The following VWC2 variants were observed in gnomAD, a reference collection of about 807,000 sequenced individuals.
VWC2 encodes the protein von Willebrand factor C domain containing 2.
A neutral mutation model predicts 29.8 loss-of-function variants in VWC2; 14 were observed. That is an observed-to-expected ratio of 0.47 (90% CI 0.31 to 0.74). The LOEUF (loss-of-function observed/expected upper bound fraction) is 0.74. Among genes scored for constraint, VWC2 ranks in the 30% least tolerant of loss-of-function variants. VWC2 has a pLI of 0.05. For synonymous variants in VWC2, 213 were observed against 199.0 expected (o/e 1.07, Z -0.59); for missense variants, 457 against 459.8 (o/e 0.99, Z 0.05).
chr7:49,815,975 C>T (rs1056696968), intron 3 of VWC2, among the ~76,000 whole-genome samples: 5 of 152,098 alleles, frequency 3.3e-5, no homozygotes, highest in Non-Finnish European at 4.4e-5. Flanking sequence ...AAGGACACAG[C>T]ATTGAGCAAG....
chr7:49,864,407 T>C (rs960600664), intron 3 of VWC2, among the ~76,000 whole-genome samples: 1 of 152,184 alleles, frequency 6.6e-6, no homozygotes, highest in Non-Finnish European at 1.5e-5. Flanking sequence ...TCTCAGTTTT[T>C]TTCTGATCAT....
At chr7:49,877,610 C>T (rs1247732767) in intron 3 of VWC2, among the ~76,000 whole-genome samples, 3 of 141,720 alleles carry the variant, frequency 2.1e-5, no homozygotes, top group Middle Eastern at 7.4e-3. Flanking sequence ...ATGGATGGAC[C>T]AAATTTGGTC....
chr7:49,904,731 T>C (rs1792988944), intron 3 of VWC2, among the ~76,000 whole-genome samples: 1 of 133,100 alleles, frequency 7.5e-6, no homozygotes, highest in Admixed American at 9.1e-5. Context: ...ACATAGCATA[T>C]ATTAATTTTT....
rs565456045 is a variant in VWC2, at chr7:49,892,575, G to A, written c.827-19459G>A. On this transcript the variant is annotated intron_variant, in intron 3 of 3. Coordinates refer to ENST00000340652, the MANE Select transcript of VWC2 (RefSeq NM_198570.5). Reference sequence around the variant, plus strand: ...AGGGGGCTTCCCAGGCCCTGGTCATGTTCTGTTTCTTGATTTGTGTTGCAG... The same window carrying A: ...AGGGGGCTTCCCAGGCCCTGGTCATATTCTGTTTCTTGATTTGTGTTGCAG... Among the ~76,000 whole-genome samples, 3 of 152,300 alleles carry A rather than the reference G, an allele frequency of 2.0e-5. No individual in the cohort carries two copies. In the South Asian group the frequency reaches 6.2e-4, roughly 32 times the overall value.
At chr7:49,875,396 A>AAAAAAAAAAAAAC (rs1791370719) in intron 3 of VWC2, among the ~76,000 whole-genome samples, 1 of 148,720 alleles carries the variant, frequency 6.7e-6, no homozygotes, top group Non-Finnish European at 1.5e-5. Flanking sequence ...AAAAAAAAAA[A>AAAAAAAAAAAAAC]ACAGGAATAA....
At chr7:49,900,486 T>G (rs775122008) in intron 3 of VWC2, among the ~76,000 whole-genome samples, 6 of 151,512 alleles carry the variant, frequency 4.0e-5, no homozygotes, top group Non-Finnish European at 7.4e-5. Context: ...TCATTACAGA[T>G]CCCATGGACA....
rs1211196841 is a variant in VWC2 at position 49,913,609 on chromosome 7, C to T, written c.*1424C>T. On this transcript the variant is annotated 3_prime_UTR_variant, in exon 4 of 4. Transcript: ENST00000340652. ...CCTATTAAGTACAAAGCATTGACAACAAGGGAATAAGGCTTGATTTCTTGC... is the reference window on the plus strand; with the variant it reads ...CCTATTAAGTACAAAGCATTGACAATAAGGGAATAAGGCTTGATTTCTTGC... 1 of 152,056 alleles carries T rather than the reference C, an allele frequency of 6.6e-6. No homozygotes were observed. The highest frequency in any genetic ancestry group is 2.4e-5 in the African/African-American group (1 of 41,396). The allele number at this position is 152,056 out of a possible 1,614,324, so 9.4% of individuals were successfully genotyped here.
chr7:49,835,085 T>C (rs1789626942), intron 3 of VWC2, among the ~76,000 whole-genome samples: 1 of 152,230 alleles, frequency 6.6e-6, no homozygotes, highest in Non-Finnish European at 1.5e-5. Context: ...AAGAGTGCCC[T>C]GATACAAAGT....
intron 3 of VWC2, among the ~76,000 whole-genome samples, chr7:49,822,306 T>G (rs1472910872): frequency 6.6e-6 from 1 of 152,232 alleles, no homozygotes; most frequent in Non-Finnish European, 1.5e-5. Context: ...TTATAAATCA[T>G]GCTTACTGAG....
At chr7:49,835,480 G>C (rs993488788) in intron 3 of VWC2, among the ~76,000 whole-genome samples, 2 of 152,184 alleles carry the variant, frequency 1.3e-5, no homozygotes, top group African/African-American at 4.8e-5. Context: ...TTGTTAAAGA[G>C]GGCAAGACAG....
In VWC2 at chr7:49,919,532, A is replaced by G. The variant is rs1442282954; in HGVS notation, c.*7347A>G. On this transcript the variant is annotated 3_prime_UTR_variant, in exon 4 of 4. Coordinates refer to ENST00000340652, the MANE Select transcript of VWC2 (RefSeq NM_198570.5). ...GCTTGGGCTAGTTATACTCTGCAGTATACCCTGGTTTATTGTGAGGATTAA... is the reference window on the plus strand; with the variant it reads ...GCTTGGGCTAGTTATACTCTGCAGTGTACCCTGGTTTATTGTGAGGATTAA... 1 of 152,202 alleles carries G rather than the reference A, an allele frequency of 6.6e-6. No homozygotes were observed. The allele number at this position is 152,202 out of a possible 1,614,324, so 9.4% of individuals were successfully genotyped here. A position where few individuals can be genotyped will look rare whatever the true frequency, so the allele number is the denominator to read the frequency against.
intron 3 of VWC2, among the ~76,000 whole-genome samples, chr7:49,906,957 A>G (rs1793132865): frequency 6.6e-6 from 1 of 152,168 alleles, no homozygotes; most frequent in African/African-American, 2.4e-5. Flanking sequence ...AAGCATTTAT[A>G]TGTTTCCTAA....
intron 3 of VWC2, chr7:49,850,631 A>C (rs1004009107): frequency 1.2e-4 from 19 of 152,210 alleles, no homozygotes; most frequent in African/African-American, 4.6e-4. Flanking sequence ...CATATTACCT[A>C]AAGGATCAAC....
At chr7:49,800,155 A>C (rs1053665197) in intron 2 of VWC2, among the ~76,000 whole-genome samples, 1 of 152,220 alleles carries the variant, frequency 6.6e-6, no homozygotes, top group Non-Finnish European at 1.5e-5. Context: ...GCATGGATTC[A>C]ATGAAATTTC....
chr7:49,778,416 G>T (rs761007847), intron 2 of VWC2, among the ~76,000 whole-genome samples: 16 of 152,152 alleles, frequency 1.1e-4, no homozygotes, highest in Non-Finnish European at 2.2e-4. Flanking sequence ...ATGCACACAT[G>T]CTTGAACGTT....
chr7:49,885,795 C>G (rs1347055074), intron 3 of VWC2, among the ~76,000 whole-genome samples: 1 of 152,218 alleles, frequency 6.6e-6, no homozygotes, highest in Non-Finnish European at 1.5e-5. Flanking sequence ...GCCTGGACCA[C>G]TAGCACCGGG....
chr7:49,903,487 A>G (rs1403768594), intron 3 of VWC2, among the ~76,000 whole-genome samples: 5 of 152,220 alleles, frequency 3.3e-5, no homozygotes, highest in African/African-American at 9.6e-5. Context: ...CCAATCCCAA[A>G]GCCCACTTTT....
rs1435456303 is a variant in VWC2 at position 49,921,203 on chromosome 7, T to C, written c.*9018T>C. On this transcript the variant is annotated 3_prime_UTR_variant, in exon 4 of 4. Transcript: ENST00000340652. ...CAAACTGATCAAAAGGGAATGCCCA[T>C]GATGCTTTCAGGAAACCAGGGTGAG... is the stretch of plus-strand genomic sequence containing the variant. 2.0e-5 allele frequency: 3 copies of C among 152,218 alleles called. No individual in the cohort carries two copies. The highest frequency in any genetic ancestry group is 7.2e-5 in the African/African-American group (3 of 41,444). 9.4% of individuals were successfully genotyped at this position (152,218 alleles called of 1,614,324 possible).
At chr7:49,776,201 G>T (rs1788050784) in intron 2 of VWC2, 70 bp downstream of exon 2, 15 of 1,336,230 alleles carry the variant, frequency 1.1e-5, no homozygotes, top group Non-Finnish European at 1.5e-5. Flanking sequence ...TGGTTCTGTG[G>T]TCCCCCACTT....
Sources: allele counts gnomAD v4.1 joint callset (sites outside exome capture counted in the v4.1 genomes callset), GRCh38; gene constraint gnomAD v4.1.1; transcripts MANE v1.5; gene names NCBI Gene and HGNC (gene_info 2026-07-23, HGNC 2026-07-21).